The following DSCAM variants were observed in gnomAD, a reference collection of about 807,000 sequenced individuals.
The protein encoded by DSCAM is DS cell adhesion molecule.
Under a neutral mutation model 217.7 loss-of-function variants are expected in DSCAM, and 47 were observed. That is an observed-to-expected ratio of 0.22 (90% CI 0.17 to 0.28). The LOEUF is 0.28. Ranked by LOEUF, DSCAM falls within the 10% of genes least tolerant of loss-of-function variation. The pLI is 1.00. For missense variants in DSCAM, 2,080 were observed against 2,618.3 expected (o/e 0.79, Z 4.49); for synonymous variants, 1,056 against 1,015.3 (o/e 1.04, Z -0.76).
At position 40,846,729 on chromosome 21, in the gene DSCAM, G is replaced by A. The variant is rs376400380; in HGVS notation, c.-68C>T. ...TCGCCCCCCGCGCTCCGCCCGGCCCGGCTCCGCTCGCCGCTCGGCACCTGC... is the reference window on the plus strand; with the variant it reads ...TCGCCCCCCGCGCTCCGCCCGGCCCAGCTCCGCTCGCCGCTCGGCACCTGC... On this transcript the variant is annotated 5_prime_UTR_variant, in exon 1 of 33. Transcript: ENST00000400454. 1.1e-4 allele frequency: 87 copies of A among 801,228 alleles called. No homozygotes were observed. Among genetic ancestry groups the A allele is most frequent in the Non-Finnish European group, 1.3e-4 (86 of 650,330 alleles). 49.6% of individuals were successfully genotyped at this position (801,228 alleles called of 1,614,324 possible).
chr21:40,519,874 G>T (rs540546095), intron 3 of DSCAM, among the ~76,000 whole-genome samples: 229 of 152,018 alleles, frequency 1.5e-3, no homozygotes, highest in African/African-American at 5.2e-3. Flanking sequence ...GCGTGTGTGT[G>T]TGTGTCCATA....
intron 3 of DSCAM, among the ~76,000 whole-genome samples, chr21:40,374,222 TA>T (rs1269622551): frequency 6.6e-6 from 1 of 152,126 alleles, no homozygotes; most frequent in South Asian, 2.1e-4. Context: ...TATTAATAAA[TA>T]AAAAATTAAA....
chr21:40,484,447 C>T (rs2076008089), intron 3 of DSCAM, among the ~76,000 whole-genome samples: 1 of 152,170 alleles, frequency 6.6e-6, no homozygotes, highest in Non-Finnish European at 1.5e-5. Context: ...ATACATTTTG[C>T]CCCATAGAAA....
intron 31 of DSCAM, 45 bp downstream of exon 31, chr21:40,044,033 G>A (rs940569681): frequency 9.4e-6 from 15 of 1,598,788 alleles, no homozygotes; most frequent in Non-Finnish European, 1.3e-5. Context: ...AGGTGCGGGG[G>A]CCGTGCTGGT....
intron 11 of DSCAM, among the ~76,000 whole-genome samples, chr21:40,253,585 A>T (rs1271333986): frequency 2.0e-5 from 3 of 152,122 alleles, no homozygotes; most frequent in Non-Finnish European, 2.9e-5. Context: ...ATTCAGCCTC[A>T]CCCCCTGACC....
chr21:40,462,728 A>G lies in DSCAM; in HGVS notation c.509-93483T>C, dbSNP rs191572358. On this transcript the variant is annotated intron_variant, in intron 3 of 32. Coordinates refer to ENST00000400454, the MANE Select transcript of DSCAM (RefSeq NM_001389.5). ...GTTCCATCCCTAGGTGATCTAATTG[A>G]TTGGTTTACAGCCTGAGTGTCAGGA... Among the ~76,000 whole-genome samples the G allele has an allele frequency of 1.7e-3, 258 of 152,282 alleles. 2 individuals are homozygous for G. Among genetic ancestry groups the G allele is most frequent in the Admixed American group, 4.6e-3 (70 of 15,298 alleles).
At chr21:40,445,523 C>T (rs888906613) in intron 3 of DSCAM, among the ~76,000 whole-genome samples, 3 of 152,300 alleles carry the variant, frequency 2.0e-5, no homozygotes, top group Non-Finnish European at 2.9e-5. Flanking sequence ...TAGTTGATCA[C>T]GTGTTATCAT....
chr21:40,619,843 GA>G (rs35632591), intron 3 of DSCAM, among the ~76,000 whole-genome samples: 26,999 of 129,686 alleles, frequency 0.21, 2,653 homozygotes, highest in Non-Finnish European at 0.25. Flanking sequence ...AGCATGTAAA[GA>G]AAAAAAAAAA....
At chr21:40,685,644 T>C (rs1023716047) in intron 3 of DSCAM, among the ~76,000 whole-genome samples, 1 of 152,212 alleles carries the variant, frequency 6.6e-6, no homozygotes, top group Non-Finnish European at 1.5e-5. Flanking sequence ...ATGTGCCTTT[T>C]GCCTTTGCTG....
chr21:40,402,048 C>A (rs1282981948), intron 3 of DSCAM, among the ~76,000 whole-genome samples: 2 of 100,120 alleles, frequency 2.0e-5, no homozygotes, highest in Non-Finnish European at 4.1e-5. Flanking sequence ...TATTCTTATT[C>A]CTTTTTTTTT....
intron 3 of DSCAM, among the ~76,000 whole-genome samples, chr21:40,472,898 G>T (rs1343401566): frequency 6.6e-6 from 1 of 152,124 alleles, no homozygotes; most frequent in African/African-American, 2.4e-5. Context: ...AGAAGAGAAA[G>T]GGTGTTTGGC....
intron 3 of DSCAM, among the ~76,000 whole-genome samples, chr21:40,634,135 C>G (rs368063430): frequency 6.6e-6 from 1 of 152,038 alleles, no homozygotes; most frequent in African/African-American, 2.4e-5. Flanking sequence ...TATTGAAAGA[C>G]GACTTGATGA....
At chr21:40,734,641 C>T (rs1212129217) in intron 1 of DSCAM, among the ~76,000 whole-genome samples, 1 of 152,210 alleles carries the variant, frequency 6.6e-6, no homozygotes. Flanking sequence ...ATAATGTTTA[C>T]CAAGCAGCCT....
intron 3 of DSCAM, among the ~76,000 whole-genome samples, chr21:40,638,177 A>C (rs2089832464): frequency 6.6e-6 from 1 of 152,166 alleles, no homozygotes; most frequent in Admixed American, 6.5e-5. Flanking sequence ...ATTTGTAATA[A>C]ACAGAAACAA....
At chr21:40,845,763 C>A (rs1392289650) in intron 1 of DSCAM, among the ~76,000 whole-genome samples, 1 of 152,156 alleles carries the variant, frequency 6.6e-6, no homozygotes, top group Non-Finnish European at 1.5e-5. Context: ...CAAATGATGA[C>A]AATTTCCTCT....
rs977049688 is a variant in DSCAM, at chr21:40,516,620, T to C, written c.509-147375A>G. Among the ~76,000 whole-genome samples, 10 of 152,116 alleles carry C rather than the reference T, an allele frequency of 6.6e-5. 1 individual carries two copies. In the South Asian group the frequency reaches 2.1e-3, roughly 32 times the overall value. ...GGCCAATGTACCTGCAGAATGTGAA[T>C]TGACGTTGCCATGGAAATAGAACAA... On this transcript the variant is annotated intron_variant, in intron 3 of 32. Coordinates refer to ENST00000400454, the MANE Select transcript of DSCAM (RefSeq NM_001389.5).
chr21:40,427,430 C>A (rs1365847489), intron 3 of DSCAM, among the ~76,000 whole-genome samples: 3 of 152,150 alleles, frequency 2.0e-5, no homozygotes, highest in African/African-American at 7.2e-5. Flanking sequence ...TTACCATGAA[C>A]CAGAATTACC....
At chr21:40,216,821 G>A (rs1399025276) in intron 11 of DSCAM, among the ~76,000 whole-genome samples, 1 of 152,226 alleles carries the variant, frequency 6.6e-6, no homozygotes, top group Non-Finnish European at 1.5e-5. Context: ...TGGAGCTGCT[G>A]CCCTGTTAGA....
At chr21:40,356,962 A>ATT (rs2074700142) in intron 4 of DSCAM, among the ~76,000 whole-genome samples, 1 of 152,200 alleles carries the variant, frequency 6.6e-6, no homozygotes, top group Non-Finnish European at 1.5e-5. Flanking sequence ...ATAAAACTTC[A>ATT]TTATGAACTT....
Sources: gnomAD v4.1 joint callset for allele counts (sites outside exome capture counted in the v4.1 genomes callset) on GRCh38, gnomAD v4.1.1 for gene constraint, MANE v1.5 for transcripts, NCBI Gene and HGNC (gene_info 2026-07-23, HGNC 2026-07-21) for gene names.